Variants in EPHA7 observed in about 807,000 individuals in gnomAD.
The protein encoded by EPHA7 is ephrin type-A receptor 7.
A neutral mutation model predicts 112.6 loss-of-function variants in EPHA7; 25 were observed. The observed-to-expected ratio is 0.22, with a 90% CI of 0.16 to 0.31. The LOEUF (loss-of-function observed/expected upper bound fraction) is 0.31. Among genes scored for constraint, EPHA7 ranks in the 10% least tolerant of loss-of-function variants. EPHA7 has a pLI of 1.00. For synonymous variants in EPHA7, 437 were observed against 406.5 expected, an observed-to-expected ratio of 1.07 and a Z score of -0.90; for missense variants, 962 against 1,212.6, an observed-to-expected ratio of 0.79 and a Z score of 3.07.
chr6:93,251,506 TTAAC>T (rs1320918395), intron 14 of EPHA7, among the ~76,000 whole-genome samples: 4 of 97,900 alleles, frequency 4.1e-5, no homozygotes, highest in African/African-American at 1.2e-4. Context: ...TTTTCTTATG[TTAAC>T]TATTAGGATA....
chr6:93,304,672 G>A (rs929255392), intron 5 of EPHA7, among the ~76,000 whole-genome samples: 3 of 152,068 alleles, frequency 2.0e-5, no homozygotes, highest in Non-Finnish European at 4.4e-5. Context: ...GTTAGATTAT[G>A]TCACTCCTCT....
chr6:93,350,797 G>T (rs1453600656), intron 5 of EPHA7, among the ~76,000 whole-genome samples: 1 of 151,872 alleles, frequency 6.6e-6, no homozygotes, highest in African/African-American at 2.4e-5. Flanking sequence ...TACTGCGGAA[G>T]ATACACAAAA....
intron 5 of EPHA7, among the ~76,000 whole-genome samples, chr6:93,286,223 A>C (rs568208079): frequency 6.6e-5 from 10 of 152,078 alleles, no homozygotes; most frequent in Non-Finnish European, 1.5e-4. Flanking sequence ...TGTTTTATTC[A>C]GTTGTTCAAG....
chr6:93,276,929 A>G (rs1322504533), intron 5 of EPHA7, among the ~76,000 whole-genome samples: 1 of 152,080 alleles, frequency 6.6e-6, no homozygotes, highest in Non-Finnish European at 1.5e-5. Flanking sequence ...GTATTTTTCA[A>G]CAGTACAATG....
intron 5 of EPHA7, among the ~76,000 whole-genome samples, chr6:93,294,912 C>G (rs17545130): frequency 0.089 from 13,567 of 151,944 alleles, 838 homozygotes; most frequent in Non-Finnish European, 0.13. Context: ...ACCAGATTGG[C>G]TTGTTTAATG....
chr6:93,260,427 A>C (rs1458330051), intron 9 of EPHA7: 1 of 545,146 alleles, frequency 1.8e-6, no homozygotes, highest in African/African-American at 2.1e-5. Context: ...CAAAGATAAG[A>C]TAGATAGGCA....
Position 93,269,563 on chromosome 6 carries a change from C to T in EPHA7, c.1547G>A (p.Arg516Gln), listed in dbSNP as rs2127877543. The T allele has an allele frequency of 1.2e-6, 2 of 1,610,386 alleles. No homozygotes were observed. The highest frequency in any genetic ancestry group is 1.1e-5 in the South Asian group (1 of 90,912). The change falls in exon 7 of 17, where the codon CGG becomes CAG. Residue 516 changes from arginine to glutamine, a missense_variant. Arg to Gln is a conservative substitution (Grantham distance 43). This residue lies in a region of EPHA7 where 746 missense variants were observed against 889.2 expected (regional missense o/e 0.84). Transcript: ENST00000369303. ...KPGTVYVFQIRAFTAAGYGNY... is the reference protein window; with the variant it reads ...KPGTVYVFQIQAFTAAGYGNY... ...TCCATAACCAGCAGCAGTAAAAGCC[C>T]GAATCTGGAAAACATACACTGTTCC...
At chr6:93,258,011 T>C (rs1367839392) in intron 11 of EPHA7, 88 bp downstream of exon 11, 8 of 1,254,670 alleles carry the variant, frequency 6.4e-6, no homozygotes, top group Non-Finnish European at 9.0e-6. Flanking sequence ...GTGCAACATA[T>C]TTCATAATTT....
intron 3 of EPHA7, among the ~76,000 whole-genome samples, chr6:93,387,924 C>CAGATAGATAGATAGAT (rs200554873): frequency 9.6e-5 from 14 of 145,682 alleles, no homozygotes; most frequent in East Asian, 6.2e-4. Flanking sequence ...GATAGATAGA[C>CAGATAGATAGATAGAT]AGATAGATAG....
At chr6:93,279,951 C>G (rs1172237713) in intron 5 of EPHA7, among the ~76,000 whole-genome samples, 3 of 152,070 alleles carry the variant, frequency 2.0e-5, no homozygotes, top group African/African-American at 7.2e-5. Flanking sequence ...CTAAAATGCC[C>G]AAAAGGTATG....
intron 5 of EPHA7, among the ~76,000 whole-genome samples, chr6:93,283,402 A>G (rs533537724): frequency 6.6e-6 from 1 of 152,228 alleles, no homozygotes; most frequent in Non-Finnish European, 1.5e-5. Context: ...CAGCAGTGGC[A>G]ATCCTCTCAG....
At chr6:93,324,803 A>T (rs1425279105) in intron 5 of EPHA7, among the ~76,000 whole-genome samples, 1 of 151,462 alleles carries the variant, frequency 6.6e-6, no homozygotes, top group African/African-American at 2.4e-5. Flanking sequence ...GAACTTCATA[A>T]TTTTTTACAA....
intron 5 of EPHA7, among the ~76,000 whole-genome samples, chr6:93,281,830 A>G (rs896078658): frequency 6.6e-6 from 1 of 152,164 alleles, no homozygotes. Context: ...TCTTTACAAT[A>G]TGGATTTCTG....
chr6:93,403,615 A>C (rs373920746), intron 3 of EPHA7, among the ~76,000 whole-genome samples: 18 of 151,582 alleles, frequency 1.2e-4, no homozygotes, highest in East Asian at 5.9e-4. Context: ...GCACCTGTGA[A>C]TAGCCACTGC....
intron 3 of EPHA7, among the ~76,000 whole-genome samples, chr6:93,387,557 T>G (rs1358838896): frequency 6.6e-6 from 1 of 152,146 alleles, no homozygotes. Flanking sequence ...CTGACTGTTT[T>G]AGTCTGTTTT....
At chr6:93,338,259 T>C (rs1406654508) in intron 5 of EPHA7, among the ~76,000 whole-genome samples, 1 of 152,284 alleles carries the variant, frequency 6.6e-6, no homozygotes, top group Non-Finnish European at 1.5e-5. Flanking sequence ...TTTTCTTGTG[T>C]TTTACATTCT....
At chr6:93,250,069 T>A (rs1373934242) in intron 14 of EPHA7, among the ~76,000 whole-genome samples, 3 of 152,138 alleles carry the variant, frequency 2.0e-5, no homozygotes, top group Non-Finnish European at 4.4e-5. Flanking sequence ...GTTTTATACA[T>A]TTTTAAAGGA....
chr6:93,306,081 C>T (rs577467647), intron 5 of EPHA7, among the ~76,000 whole-genome samples: 1 of 152,012 alleles, frequency 6.6e-6, no homozygotes, highest in South Asian at 2.1e-4. Context: ...AAGAATCATA[C>T]TTACTTGAAC....
intron 6 of EPHA7, among the ~76,000 whole-genome samples, chr6:93,269,999 A>G (rs1395161655): frequency 6.6e-6 from 1 of 151,770 alleles, no homozygotes; most frequent in Non-Finnish European, 1.5e-5. Flanking sequence ...TCTACAGTTT[A>G]GTAGAGGTCA....
Sources: allele counts gnomAD v4.1 joint callset (sites outside exome capture counted in the v4.1 genomes callset), GRCh38; gene constraint gnomAD v4.1.1; regional missense constraint gnomAD v4.1.1; transcripts MANE v1.5; gene names NCBI Gene and HGNC (gene_info 2026-07-23, HGNC 2026-07-21).